AHI1: variants seen among roughly 807,000 people sequenced by gnomAD.
AHI1 encodes jouberin.
AHI1 carries 123 observed loss-of-function variants against 149.3 expected under a neutral mutation model. That is an observed-to-expected ratio of 0.82 (90% CI 0.71 to 0.96). The LOEUF (loss-of-function observed/expected upper bound fraction) is 0.96, where lower values mean the gene tolerates loss of function less well. Ranked by LOEUF, AHI1 falls within the 40% of genes least tolerant of loss-of-function variation. The probability of loss-of-function intolerance (pLI) is 0.00; values close to 1 mark genes in which losing one functional copy is unlikely to be tolerated. For synonymous variants in AHI1, 475 were observed against 459.8 expected (o/e 1.03, Z -0.42); for missense variants, 1,439 against 1,422.7 (o/e 1.01, Z -0.18).
chr6:135,414,970 C>G lies in AHI1; in HGVS notation c.2765-3426G>C, dbSNP rs186279640. ...TAATGCTATCCCTCCCCCCTCCCCCCACCCCACAACAGGCCCCAGAGTGTG... is the reference window on the plus strand; with the variant it reads ...TAATGCTATCCCTCCCCCCTCCCCCGACCCCACAACAGGCCCCAGAGTGTG... On this transcript the variant is annotated intron_variant, in intron 20 of 28. Transcript: ENST00000265602. 7.2e-3 allele frequency among the ~76,000 whole-genome samples: 846 copies of G among 117,768 alleles called. 6 individuals carry two copies. Among genetic ancestry groups the G allele is most frequent in the Middle Eastern group, 0.013 (3 of 230 alleles). The allele number at this position is 117,768 out of a possible 152,430, so 77.3% of individuals were successfully genotyped here. A position where few individuals can be genotyped will look rare whatever the true frequency, so the allele number is the denominator to read the frequency against.
chr6:135,426,689 T>C (rs1356407336), intron 20 of AHI1, among the ~76,000 whole-genome samples: 1 of 151,524 alleles, frequency 6.6e-6, no homozygotes, highest in African/African-American at 2.4e-5. Flanking sequence ...CCCTGAAAAA[T>C]AATGTATCCA....
At chr6:135,424,899 C>CATAT in intron 20 of AHI1, among the ~76,000 whole-genome samples, 1 of 151,752 alleles carries the variant, frequency 6.6e-6, no homozygotes, top group African/African-American at 2.4e-5. Context: ...TATGTAAAGC[C>CATAT]ATATGTAAAC....
intron 5 of AHI1, among the ~76,000 whole-genome samples, chr6:135,482,894 C>CTTGTTTTTTTTTTT (rs1793900577): frequency 1.8e-5 from 1 of 55,734 alleles, no homozygotes; most frequent in African/African-American, 9.3e-5. Context: ...CCATTTAAGG[C>CTTGTTTTTTTTTTT]TTTTTTTTTT....
chr6:135,443,722 T>C (rs1165318986), intron 13 of AHI1, among the ~76,000 whole-genome samples: 10 of 152,174 alleles, frequency 6.6e-5, no homozygotes, highest in Admixed American at 4.6e-4. Flanking sequence ...ACTAGGAATG[T>C]GAAAAATTCA....
At chr6:135,473,608 G>A (rs73564125) in intron 5 of AHI1, among the ~76,000 whole-genome samples, 9,968 of 152,134 alleles carry the variant, frequency 0.066, 743 homozygotes, top group African/African-American at 0.18. Context: ...GTCAGAGAAC[G>A]GACATTTGAC....
chr6:135,348,133 G>C (rs924121696), intron 24 of AHI1, among the ~76,000 whole-genome samples: 2 of 152,120 alleles, frequency 1.3e-5, no homozygotes, highest in African/African-American at 2.4e-5. Flanking sequence ...AGTATCACAA[G>C]AAGATGAAAC....
chr6:135,452,663 A>ACC (rs1210977969), intron 11 of AHI1, among the ~76,000 whole-genome samples: 1 of 151,942 alleles, frequency 6.6e-6, no homozygotes, highest in Non-Finnish European at 1.5e-5. Context: ...GACTGAGAAG[A>ACC]CCTCATCATA....
rs797045223 is a variant in AHI1 at position 135,442,633 on chromosome 6, C to A, written c.1861G>T (p.Gly621Ter). 6.2e-7 allele frequency: 1 copy of A among 1,609,672 alleles called. No individual in the cohort carries two copies. Among genetic ancestry groups the A allele is most frequent in the Non-Finnish European group, 8.5e-7 (1 of 1,177,772 alleles). Residue 621 changes from glycine (G) to a stop codon, truncating the protein, a stop_gained, in exon 14 of 29, where the codon GGA becomes TGA. Coordinates refer to ENST00000265602, the MANE Select transcript of AHI1 (RefSeq NM_001134831.2). LOFTEE classifies it high-confidence loss of function. ...GCACAAGCTGCTGCTAATATTCTTC[C>A]ATTGTGGGAGAAATCAAGACAAAAA... ...GCFCLDFSHNGRILAAACASR... is the reference protein window; with the variant it reads ...GCFCLDFSHN
chr6:135,344,329 A>C (rs1790831857), intron 24 of AHI1, among the ~76,000 whole-genome samples: 1 of 151,860 alleles, frequency 6.6e-6, no homozygotes, highest in East Asian at 1.9e-4. Flanking sequence ...CTTACAAGTC[A>C]ATAATAAACA....
chr6:135,310,844 T>C (rs546856775), intron 26 of AHI1, among the ~76,000 whole-genome samples: 6 of 152,160 alleles, frequency 3.9e-5, no homozygotes, highest in South Asian at 4.1e-4. Context: ...GAAACACTAA[T>C]AGAAGGTAAA....
intron 13 of AHI1, among the ~76,000 whole-genome samples, chr6:135,444,977 A>G (rs972182675): frequency 2.6e-5 from 4 of 152,202 alleles, no homozygotes; most frequent in Non-Finnish European, 5.9e-5. Flanking sequence ...TTATACCTAC[A>G]TTTCCTCATT....
Position 135,465,973 on chromosome 6 carries a change from G to A in AHI1, c.590C>T (p.Thr197Ile). Residue 197 changes from threonine (T) to isoleucine (I), a missense_variant, in exon 7 of 29, where the codon ACT becomes ATT. Transcript: ENST00000265602. ...CTTAATCTCCTTTGCCATTTCTTCAGTTACATGGCACTGATATGCTTGCAT... is the reference window on the plus strand; with the variant it reads ...CTTAATCTCCTTTGCCATTTCTTCAATTACATGGCACTGATATGCTTGCAT... ...ELMQAYQCHV[T>I]EEMAKEIKRK... The A allele has an allele frequency of 6.2e-7, 1 of 1,613,162 alleles. No homozygotes were observed. The highest frequency in any genetic ancestry group is 1.1e-5 in the South Asian group (1 of 90,666).
intron 23 of AHI1, among the ~76,000 whole-genome samples, chr6:135,379,013 T>C (rs1288312445): frequency 6.6e-6 from 1 of 152,184 alleles, no homozygotes; most frequent in Non-Finnish European, 1.5e-5. Context: ...CAATGACTCC[T>C]TCATCTATAC....
intron 18 of AHI1, among the ~76,000 whole-genome samples, chr6:135,429,475 C>G (rs1213723209): frequency 1.3e-5 from 2 of 151,606 alleles, no homozygotes; most frequent in Admixed American, 6.6e-5. Flanking sequence ...AAATCAAAAG[C>G]CCTCTCCTGT....
At chr6:135,329,615 T>C (rs1008542049) in intron 24 of AHI1, among the ~76,000 whole-genome samples, 2 of 152,248 alleles carry the variant, frequency 1.3e-5, no homozygotes, top group Non-Finnish European at 2.9e-5. Context: ...GTTGTTTTCA[T>C]GCCAGCTACA....
chr6:135,487,732 T>C (rs1794682880), intron 5 of AHI1, among the ~76,000 whole-genome samples: 1 of 152,188 alleles, frequency 6.6e-6, no homozygotes, highest in African/African-American at 2.4e-5. Context: ...TAACTGTAAT[T>C]TCCCTACTGT....
intron 22 of AHI1, among the ~76,000 whole-genome samples, chr6:135,404,742 A>C (rs1284753597): frequency 6.6e-6 from 1 of 152,212 alleles, no homozygotes; most frequent in African/African-American, 2.4e-5. Flanking sequence ...TAAATCTTTA[A>C]AAATGTGAAG....
Position 135,492,280 on chromosome 6 carries a change from T to C in AHI1, c.-43A>G, listed in dbSNP as rs754360969. On this transcript the variant is annotated 5_prime_UTR_variant, in exon 4 of 29. Coordinates refer to ENST00000265602, the MANE Select transcript of AHI1 (RefSeq NM_001134831.2). ...AGGACTGAGAATGCAAAGCATTGAC[T>C]CAATCAGGATCCTATCGAAACAAAG... 6.5e-7 allele frequency: 1 copy of C among 1,527,752 alleles called. No homozygotes were observed. The highest frequency in any genetic ancestry group is 1.3e-5 in the South Asian group (1 of 77,492). The allele number at this position is 1,527,752 out of a possible 1,614,324, so 94.6% of individuals were successfully genotyped here. A position where few individuals can be genotyped will look rare whatever the true frequency, so the allele number is the denominator to read the frequency against.
At chr6:135,445,757 A>T (rs1212457100) in intron 13 of AHI1, among the ~76,000 whole-genome samples, 2 of 152,072 alleles carry the variant, frequency 1.3e-5, no homozygotes. Flanking sequence ...AATTTTTTTT[A>T]AAAGAATGGG....
Sources: gnomAD v4.1 joint callset for allele counts (sites outside exome capture counted in the v4.1 genomes callset) on GRCh38, gnomAD v4.1.1 for gene constraint, MANE v1.5 for transcripts, NCBI Gene and HGNC (gene_info 2026-07-23, HGNC 2026-07-21) for gene names.